Variants in LCLAT1 observed in about 807,000 individuals in gnomAD.
LCLAT1 encodes 1-AGP acyltransferase 8.
LCLAT1 carries 11 observed loss-of-function variants against 30.7 expected under a neutral mutation model. The observed-to-expected ratio is 0.36, with a 90% confidence interval of 0.23 to 0.59. The LOEUF is 0.59. Ranked by LOEUF, LCLAT1 falls within the 20% of genes least tolerant of loss-of-function variation. The pLI, the probability that LCLAT1 is intolerant of heterozygous loss-of-function variation, is 0.77. For synonymous variants in LCLAT1, 155 were observed against 151.3 expected (o/e 1.02, Z -0.18); for missense variants, 402 against 458.6 (o/e 0.88, Z 1.13).
chr2:30,474,319 A>G (rs1253299595), intron 1 of LCLAT1, among the ~76,000 whole-genome samples: 2 of 152,230 alleles, frequency 1.3e-5, no homozygotes, highest in African/African-American at 4.8e-5. Flanking sequence ...GCTCCCATCA[A>G]ACAGAATCTG....
At position 30,481,524 on chromosome 2, in the gene LCLAT1, G is replaced by C. The variant is rs116742316; in HGVS notation, c.-5+34141G>C. On this transcript the variant is annotated intron_variant, in intron 1 of 5. Transcript: ENST00000379509. ...ATCACCGATGTCAGAAGAAAACCTG[G>C]AGAGTGTTGTCACAAAAGCCAAGAG... is the stretch of plus-strand genomic sequence containing the variant. Among the ~76,000 whole-genome samples the C allele has an allele frequency of 6.6e-3, 1,009 of 152,292 alleles. 10 individuals carry two copies. The highest frequency in any genetic ancestry group is 0.023 in the African/African-American group (958 of 41,554).
intron 5 of LCLAT1, among the ~76,000 whole-genome samples, chr2:30,638,708 A>G (rs1309191618): frequency 1.3e-5 from 2 of 151,644 alleles, no homozygotes; most frequent in African/African-American, 2.4e-5. Flanking sequence ...TCTAATCTCT[A>G]TGGCCCCACC....
intron 1 of LCLAT1, 179 bp downstream of exon 1, chr2:30,447,562 G>A (rs1334207635): frequency 6.6e-6 from 1 of 152,458 alleles, no homozygotes; most frequent in African/African-American, 2.4e-5. Flanking sequence ...TCCCGGTGCA[G>A]GTGGCGGTAG....
At chr2:30,525,906 C>A in intron 2 of LCLAT1, 151 bp downstream of exon 2, 1 of 623,556 alleles carries the variant, frequency 1.6e-6, no homozygotes, top group Non-Finnish European at 2.8e-6. Flanking sequence ...CTCTAGATTG[C>A]TTATAATACC....
chr2:30,448,105 C>T (rs1681356855), intron 1 of LCLAT1, among the ~76,000 whole-genome samples: 1 of 152,178 alleles, frequency 6.6e-6, no homozygotes, highest in African/African-American at 2.4e-5. Context: ...AGGTGGCTTC[C>T]CTGGAAATAC....
chr2:30,455,269 T>G (rs1287200310), intron 1 of LCLAT1, among the ~76,000 whole-genome samples: 1 of 152,234 alleles, frequency 6.6e-6, no homozygotes, highest in African/African-American at 2.4e-5. Flanking sequence ...TAGTCAAATA[T>G]GTATGCCTTT....
rs115991047 is a variant in LCLAT1, at chr2:30,511,307, G to A, written c.-4-14280G>A. On this transcript the variant is annotated intron_variant, in intron 1 of 5. Transcript: ENST00000379509. ...TAGGATTACAGGCATGAGTCACCGC[G>A]CCTGGCCTGTTTCTGTATTTTTGTC... Among the ~76,000 whole-genome samples the A allele has an allele frequency of 6.7e-3, 1,014 of 152,214 alleles. 10 individuals carry two copies. Among genetic ancestry groups the A allele is most frequent in the African/African-American group, 0.023 (960 of 41,546 alleles).
intron 5 of LCLAT1, among the ~76,000 whole-genome samples, chr2:30,613,061 G>C (rs1667817306): frequency 6.6e-6 from 1 of 152,144 alleles, no homozygotes; most frequent in Admixed American, 6.5e-5. Flanking sequence ...ATCCCTAGTA[G>C]AAGGAACAAT....
chr2:30,631,098 C>T (rs1668746932), intron 5 of LCLAT1, among the ~76,000 whole-genome samples: 1 of 152,208 alleles, frequency 6.6e-6, no homozygotes, highest in African/African-American at 2.4e-5. Context: ...TGCATTGACA[C>T]AGCCACAACT....
rs1224502143 is a variant in LCLAT1 at position 30,567,969 on chromosome 2, A to AT, written c.512-85dup. On this transcript the variant is annotated intron_variant, in intron 4 of 5. Coordinates refer to ENST00000379509, the MANE Select transcript of LCLAT1 (RefSeq NM_001002257.3). ...AGTAATTAGAGAATAATTAACAGCT[A>AT]TTTTTTATCAAAAAAAATTCTGCAC... The AT allele has an allele frequency of 1.5e-5, 10 of 665,284 alleles. No individual in the cohort carries two copies. The Admixed American group carries it at 2.4e-4, about 16-fold the overall frequency. The allele number at this position is 665,284 out of a possible 1,614,324, so 41.2% of individuals were successfully genotyped here.
intron 5 of LCLAT1, among the ~76,000 whole-genome samples, chr2:30,614,854 G>C (rs1464815408): frequency 6.6e-6 from 1 of 152,092 alleles, no homozygotes; most frequent in East Asian, 1.9e-4. Flanking sequence ...GGAGAACCAG[G>C]CCATCCACAA....
intron 3 of LCLAT1, among the ~76,000 whole-genome samples, chr2:30,556,775 T>C (rs10211411): frequency 0.88 from 128,136 of 146,292 alleles, 56,541 homozygotes; most frequent in African/African-American, 0.97. Context: ...GACGGAGTTT[T>C]GCTCTTGTTG....
chr2:30,492,582 G>GA (rs201358090), intron 1 of LCLAT1, among the ~76,000 whole-genome samples: 367 of 125,558 alleles, frequency 2.9e-3, no homozygotes, highest in Middle Eastern at 4.1e-3. Flanking sequence ...GAAAAAAAAA[G>GA]AAAAAAAAAA....
chr2:30,530,903 A>C (rs1028750561), intron 2 of LCLAT1, among the ~76,000 whole-genome samples: 2 of 152,138 alleles, frequency 1.3e-5, no homozygotes, highest in Non-Finnish European at 2.9e-5. Context: ...TTTGGGATCT[A>C]TAGGTATCAT....
intron 4 of LCLAT1, 104 bp downstream of exon 4, chr2:30,562,396 T>A: frequency 2.2e-6 from 2 of 891,060 alleles, no homozygotes. Context: ...CTCTTCCAGG[T>A]GTGGTGGTCC....
chr2:30,459,574 C>G (rs1227916699), intron 1 of LCLAT1: 1 of 1,410,802 alleles, frequency 7.1e-7, no homozygotes, highest in East Asian at 2.3e-5. Flanking sequence ...AGTGGGTACT[C>G]TCTTCTGGGA....
chr2:30,484,029 A>G lies in LCLAT1; in HGVS notation c.-5+36646A>G, dbSNP rs186515523. Among the ~76,000 whole-genome samples the G allele has an allele frequency of 4.7e-3, 723 of 152,230 alleles. 13 individuals are homozygous for G. The highest frequency in any genetic ancestry group is 3.8e-3 in the Non-Finnish European group (258 of 68,008). On this transcript the variant is annotated intron_variant, in intron 1 of 5. Transcript: ENST00000379509. ...TGAGTTATATTGATATCTAAGTGAG[A>G]AATGTGCTTCAGAGCAGTCACCTTA...
chr2:30,608,087 G>A (rs760241551), intron 5 of LCLAT1, among the ~76,000 whole-genome samples: 5 of 151,974 alleles, frequency 3.3e-5, no homozygotes, highest in Middle Eastern at 3.4e-3. Flanking sequence ...TTGGGAACCC[G>A]AGGCAGGTGG....
intron 1 of LCLAT1, among the ~76,000 whole-genome samples, chr2:30,448,457 G>A (rs1279449873): frequency 6.6e-6 from 1 of 152,212 alleles, no homozygotes; most frequent in Admixed American, 6.5e-5. Context: ...TAAGCATAAT[G>A]TTAACTGACT....
Sources: allele counts gnomAD v4.1 joint callset (sites outside exome capture counted in the v4.1 genomes callset), GRCh38; gene constraint gnomAD v4.1.1; transcripts MANE v1.5; gene names NCBI Gene and HGNC (gene_info 2026-07-23, HGNC 2026-07-21).